Variants in RAB38 observed in about 807,000 individuals in gnomAD.
RAB38 encodes RAB38, member RAS oncogene family.
RAB38 carries 15 observed loss-of-function variants against 18.4 expected under a neutral mutation model. The observed-to-expected ratio is 0.82, with a 90% confidence interval of 0.55 to 1.26. The LOEUF (loss-of-function observed/expected upper bound fraction) is 1.26. Ranked by LOEUF, RAB38 falls within the 50% of genes most tolerant of loss-of-function variation. The pLI is 0.00. For synonymous variants in RAB38, 101 were observed against 104.4 expected, an observed-to-expected ratio of 0.97 and a Z score of 0.20; for missense variants, 294 against 267.4, an observed-to-expected ratio of 1.10 and a Z score of -0.69.
intron 1 of RAB38, among the ~76,000 whole-genome samples, chr11:88,157,786 A>G (rs144338863): frequency 6.6e-6 from 1 of 152,304 alleles, no homozygotes; most frequent in East Asian, 1.9e-4. Context: ...AATCTTTTAA[A>G]TAAACAAAAA....
At chr11:88,081,811 C>A in the RAB38 span, among the ~76,000 whole-genome samples, 3 of 151,908 alleles carry the variant, frequency 2.0e-5, no homozygotes, top group Non-Finnish European at 4.4e-5. Flanking sequence ...ACGCCACATT[C>A]AACCCTCTGT....
At chr11:88,020,407 A>C in the RAB38 span, among the ~76,000 whole-genome samples, 2 of 152,224 alleles carry the variant, frequency 1.3e-5, no homozygotes, top group Non-Finnish European at 2.9e-5. Context: ...TGATATGATA[A>C]TTATACATTT....
At chr11:87,889,663 G>A in the RAB38 span, among the ~76,000 whole-genome samples, 1 of 151,850 alleles carries the variant, frequency 6.6e-6, no homozygotes, top group Non-Finnish European at 1.5e-5. Context: ...AGCCAAGTTA[G>A]CTTCCCAAAC....
chr11:87,956,431 C>G, the RAB38 span, among the ~76,000 whole-genome samples: 1 of 152,166 alleles, frequency 6.6e-6, no homozygotes, highest in Non-Finnish European at 1.5e-5. Flanking sequence ...CGCCTCTTCA[C>G]TATTCTCTGC....
intron 2 of RAB38, among the ~76,000 whole-genome samples, chr11:88,137,929 C>G (rs1942856756): frequency 6.6e-6 from 1 of 152,056 alleles, no homozygotes; most frequent in Non-Finnish European, 1.5e-5. Flanking sequence ...TATTTTAAAC[C>G]GAGGAATCTA....
chr11:88,081,044 G>C, the RAB38 span, among the ~76,000 whole-genome samples: 374 of 151,940 alleles, frequency 2.5e-3, 1 homozygote, highest in African/African-American at 8.4e-3. Flanking sequence ...CTCATTTAAA[G>C]ATTCTCATAA....
the RAB38 span, among the ~76,000 whole-genome samples, chr11:87,956,392 T>C: frequency 2.6e-5 from 4 of 152,150 alleles, no homozygotes; most frequent in Non-Finnish European, 5.9e-5. Context: ...TGGAGACCAC[T>C]CACATGCAAG....
the RAB38 span, among the ~76,000 whole-genome samples, chr11:88,091,337 G>A: frequency 6.6e-6 from 1 of 152,026 alleles, no homozygotes; most frequent in Admixed American, 6.6e-5. Context: ...CTACTGGCTG[G>A]ATTGACAGAT....
At chr11:88,017,022 C>T in the RAB38 span, among the ~76,000 whole-genome samples, 7 of 151,838 alleles carry the variant, frequency 4.6e-5, no homozygotes, top group African/African-American at 1.7e-4. Context: ...AAGAAGGTGC[C>T]CCTAGGGTTT....
At chr11:87,879,876 C>A in the RAB38 span, 2 of 151,634 alleles carry the variant, frequency 1.3e-5, no homozygotes, top group Non-Finnish European at 2.9e-5. Flanking sequence ...GTACCTAATG[C>A]TCAAAATATT....
chr11:87,839,537 G>A, the RAB38 span, among the ~76,000 whole-genome samples: 1 of 152,176 alleles, frequency 6.6e-6, no homozygotes, highest in Non-Finnish European at 1.5e-5. Flanking sequence ...TTTAATTACA[G>A]TGTACCAAGA....
chr11:87,951,622 AC>A, the RAB38 span, among the ~76,000 whole-genome samples: 2 of 150,812 alleles, frequency 1.3e-5, no homozygotes, highest in Non-Finnish European at 3.0e-5. Flanking sequence ...AACAGACAGG[AC>A]CCCCAGCTGC....
At chr11:87,823,307 A>C in the RAB38 span, among the ~76,000 whole-genome samples, 3 of 152,166 alleles carry the variant, frequency 2.0e-5, no homozygotes, top group Non-Finnish European at 4.4e-5. Flanking sequence ...TCGTAGATTA[A>C]AAAACTGAAT....
the RAB38 span, among the ~76,000 whole-genome samples, chr11:88,070,648 C>T: frequency 2.0e-5 from 3 of 152,176 alleles, no homozygotes; most frequent in Non-Finnish European, 4.4e-5. Flanking sequence ...ATTCTAATAT[C>T]TCTGGTTGCC....
At chr11:87,889,630 A>G in the RAB38 span, among the ~76,000 whole-genome samples, 3 of 151,876 alleles carry the variant, frequency 2.0e-5, no homozygotes, top group African/African-American at 4.8e-5. Context: ...ATTTTCTCCA[A>G]TTTTGTAAAA....
chr11:87,892,725 C>T, the RAB38 span, among the ~76,000 whole-genome samples: 2 of 151,752 alleles, frequency 1.3e-5, no homozygotes, highest in Non-Finnish European at 2.9e-5. Context: ...TTGGTTAGCT[C>T]AATTCTACCC....
chr11:87,929,668 G>C, the RAB38 span, among the ~76,000 whole-genome samples: 14 of 151,026 alleles, frequency 9.3e-5, no homozygotes, highest in Non-Finnish European at 1.6e-4. Context: ...CACCCATTAA[G>C]TCGTCATTTA....
the RAB38 span, among the ~76,000 whole-genome samples, chr11:88,014,102 A>G: frequency 6.6e-6 from 1 of 152,186 alleles, no homozygotes; most frequent in Admixed American, 6.5e-5. Flanking sequence ...CAAATAGTCA[A>G]GAATAATGGG....
the RAB38 span, among the ~76,000 whole-genome samples, chr11:87,874,403 C>T: frequency 6.6e-6 from 1 of 151,164 alleles, no homozygotes. Context: ...AAACAAATAA[C>T]TCAATTAAAA....
Sources: allele counts gnomAD v4.1 joint callset (sites outside exome capture counted in the v4.1 genomes callset), GRCh38; gene constraint gnomAD v4.1.1; transcripts MANE v1.5; gene names NCBI Gene and HGNC (gene_info 2026-07-23, HGNC 2026-07-21).